HDAC4: variants seen among roughly 807,000 people sequenced by gnomAD.
HDAC4 encodes the protein histone deacetylase A.
HDAC4 carries 16 observed loss-of-function variants against 135.1 expected under a neutral mutation model. That is an observed-to-expected ratio of 0.12 (90% CI 0.08 to 0.18). The LOEUF is 0.18. Ranked by LOEUF, HDAC4 falls within the 10% of genes least tolerant of loss-of-function variation. HDAC4 has a pLI of 1.00. For missense variants in HDAC4, 1,143 were observed against 1,511.8 expected, an observed-to-expected ratio of 0.76 and a Z score of 4.05; for synonymous variants, 685 against 653.4, an observed-to-expected ratio of 1.05 and a Z score of -0.74.
rs1021710984 is a variant in HDAC4 at position 239,183,225 on chromosome 2, G to A, written c.339+6608C>T. Among the ~76,000 whole-genome samples, 4 of 152,218 alleles carry A rather than the reference G, an allele frequency of 2.6e-5. No individual in the cohort carries two copies. The South Asian group carries it at 6.2e-4, about 24-fold the overall frequency. ...ACACTGAACTCTGAACCAAATATAG[G>A]AGCCCCAGAATTTAGCTGCTTTGAC... On this transcript the variant is annotated intron_variant, in intron 4 of 26. Transcript: ENST00000543185.
intron 13 of HDAC4, 36 bp from the exon 14 acceptor site, chr2:239,111,748 A>G (rs1274670994): frequency 6.5e-7 from 1 of 1,549,824 alleles, no homozygotes; most frequent in Non-Finnish European, 8.7e-7. Context: ...GCGGTTGCGG[A>G]TGTCTCCCGC....
chr2:239,178,576 A>G (rs975989003), intron 4 of HDAC4, among the ~76,000 whole-genome samples: 22 of 151,790 alleles, frequency 1.4e-4, no homozygotes, highest in Admixed American at 5.2e-4. Flanking sequence ...ATGAAACAAG[A>G]TCTTGCTCTG....
chr2:239,304,193 A>G (rs2052440643), intron 2 of HDAC4, among the ~76,000 whole-genome samples: 1 of 152,106 alleles, frequency 6.6e-6, no homozygotes, highest in Non-Finnish European at 1.5e-5. Context: ...GAATGCCTCA[A>G]GCAGTGTGAG....
intron 2 of HDAC4, among the ~76,000 whole-genome samples, chr2:239,274,751 A>C (rs2050253836): frequency 6.6e-6 from 1 of 152,132 alleles, no homozygotes; most frequent in African/African-American, 2.4e-5. Flanking sequence ...GGCAAGCCTC[A>C]TCCCCAAAGC....
chr2:239,109,120 C>T (rs992980784), intron 14 of HDAC4, among the ~76,000 whole-genome samples: 2 of 152,242 alleles, frequency 1.3e-5, no homozygotes, highest in African/African-American at 4.8e-5. Flanking sequence ...CCTGGTGACA[C>T]CTGGCAGGAG....
chr2:239,396,974 T>C (rs1382044231), intron 1 of HDAC4, among the ~76,000 whole-genome samples: 1 of 152,226 alleles, frequency 6.6e-6, no homozygotes, highest in Non-Finnish European at 1.5e-5. Flanking sequence ...TGATGTCTTC[T>C]AGTTCTGCAG....
chr2:239,147,807 C>A (rs2100171), intron 7 of HDAC4, among the ~76,000 whole-genome samples: 134,508 of 152,338 alleles, frequency 0.88, 59,802 homozygotes, highest in African/African-American at 0.97. Flanking sequence ...CTAATTAAGG[C>A]GATACAACAT....
Position 239,139,931 on chromosome 2 carries a change from A to C in HDAC4, c.866-135T>G. On this transcript the variant is annotated intron_variant, in intron 8 of 26. Coordinates refer to ENST00000543185, the MANE Select transcript of HDAC4 (RefSeq NM_001378414.1). The surrounding 1 kb of genome is among the most constrained non-coding windows in gnomAD (Gnocchi z 5.3). ...GACAGGCAGAAGTCCCAACAAAAAG[A>C]ACATGGCCATGGTTTCAAAAAAGAA... is the stretch of plus-strand genomic sequence containing the variant. The C allele has an allele frequency of 3.0e-6, 2 of 661,410 alleles. No homozygotes were observed. The highest frequency in any genetic ancestry group is 3.5e-5 in the South Asian group (2 of 57,490). The allele number at this position is 661,410 out of a possible 1,614,324, so 41.0% of individuals were successfully genotyped here. A position where few individuals can be genotyped will look rare whatever the true frequency, so the allele number is the denominator to read the frequency against.
In HDAC4 at chr2:239,128,648, G is replaced by A. The variant is rs141799340; in HGVS notation, c.1295-1954C>T. On this transcript the variant is annotated intron_variant, in intron 11 of 26. Coordinates refer to ENST00000543185, the MANE Select transcript of HDAC4 (RefSeq NM_001378414.1). ...GTCAGTCACACAAAGCTGCTTTCAG[G>A]GGACGCAAAGGCTACGTAGTTGCTG... Among the ~76,000 whole-genome samples the A allele has an allele frequency of 4.2e-3, 638 of 152,326 alleles. 2 individuals carry two copies. The highest frequency in any genetic ancestry group is 0.01 in the Middle Eastern group (3 of 294).
intron 2 of HDAC4, among the ~76,000 whole-genome samples, chr2:239,302,937 G>T (rs2125633416): frequency 6.6e-6 from 1 of 152,352 alleles, no homozygotes; most frequent in African/African-American, 2.4e-5. Context: ...GGCCACACAG[G>T]CTCAGGCCCG....
chr2:239,090,089 C>G lies in HDAC4; in HGVS notation c.2308G>C (p.Val770Leu). Residue 770 changes from valine to leucine, a missense_variant, in exon 18 of 27, where the codon GTG becomes CTG. Val to Leu is a conservative substitution (Grantham distance 32). Around this residue, in one of 9 missense-constraint regions of HDAC4, gnomAD observed 49 missense variants for 55.6 expected, o/e 0.88. Transcript: ENST00000543185. ...AGGCGGGCTGCCCCCGCCGAGTGCA[C>G]CTCGTTCCATATGGTGTCACTGTCC... ...GVDSDTIWNE[V>L]HSAGAARLAV... 6.2e-7 allele frequency: 1 copy of G among 1,613,766 alleles called. No homozygotes were observed. Among genetic ancestry groups the G allele is most frequent in the Non-Finnish European group, 8.5e-7 (1 of 1,179,930 alleles).
chr2:239,394,991 G>A (rs1233251045), intron 1 of HDAC4, among the ~76,000 whole-genome samples: 1 of 152,186 alleles, frequency 6.6e-6, no homozygotes, highest in Non-Finnish European at 1.5e-5. Context: ...TGTTAGAAAG[G>A]AGGAAAAAAG....
intron 4 of HDAC4, among the ~76,000 whole-genome samples, chr2:239,183,741 G>T (rs1018034978): frequency 1.3e-5 from 2 of 152,170 alleles, no homozygotes; most frequent in Non-Finnish European, 2.9e-5. Context: ...CTGTCCTGGC[G>T]CAGAGCCCTG....
rs1240673437 is a variant in HDAC4, at chr2:239,295,304, C to T, written c.22+57374G>A. On this transcript the variant is annotated intron_variant, in intron 2 of 26. Coordinates refer to ENST00000543185, the MANE Select transcript of HDAC4 (RefSeq NM_001378414.1). ...CCTGGGTGACAGAGCAAGACTCCGT[C>T]TCAAAAAAAAAAAAAAAAAAAAAAA... Among the ~76,000 whole-genome samples the T allele has an allele frequency of 8.0e-5, 4 of 50,088 alleles. 1 individual carries two copies. The highest frequency in any genetic ancestry group is 1.9e-4 in the African/African-American group (2 of 10,656). The allele number at this position is 50,088 out of a possible 152,430, so 32.9% of individuals were successfully genotyped here.
chr2:239,076,984 C>T (rs2034829517), intron 22 of HDAC4, among the ~76,000 whole-genome samples: 1 of 152,144 alleles, frequency 6.6e-6, no homozygotes, highest in Admixed American at 6.5e-5. Flanking sequence ...CATCTCACTT[C>T]AACCTCTTTG....
rs1314509866 is a variant in HDAC4, at chr2:239,196,535, G to T, written c.95-6458C>A. 2.6e-5 allele frequency among the ~76,000 whole-genome samples: 4 copies of T among 152,222 alleles called. No homozygotes were observed. In the East Asian group the frequency reaches 5.8e-4, roughly 22 times the overall value. ...GCAGTGGAAGGAGGAGTTGACGATG[G>T]TTCCCGGGACAGGACAGTCTCGAGT... On this transcript the variant is annotated intron_variant, in intron 3 of 26. Transcript: ENST00000543185.
chr2:239,369,617 A>C (rs1694464956), intron 1 of HDAC4, among the ~76,000 whole-genome samples: 1 of 152,252 alleles, frequency 6.6e-6, no homozygotes, highest in Non-Finnish European at 1.5e-5. Flanking sequence ...GAGACGGGTC[A>C]AGCCCTGCTC....
At position 239,068,452 on chromosome 2, in the gene HDAC4, C is replaced by T. The variant is rs1373511847; in HGVS notation, c.2869+37G>A. 7.0e-7 allele frequency: 1 copy of T among 1,427,018 alleles called. No individual in the cohort carries two copies. Among genetic ancestry groups the T allele is most frequent in the South Asian group, 1.1e-5 (1 of 87,466 alleles). 88.4% of individuals were successfully genotyped at this position (1,427,018 alleles called of 1,614,324 possible). ...GAACACAGCGGATCATGGACATGAG[C>T]AGAACCGGCTCCTCAGTCATATGCA... On this transcript the variant is annotated intron_variant, in intron 23 of 26. Coordinates refer to ENST00000543185, the MANE Select transcript of HDAC4 (RefSeq NM_001378414.1). The surrounding 1 kb of genome is among the most constrained non-coding windows in gnomAD (Gnocchi z 4.4).
At chr2:239,065,598 G>C (rs1160483393) in intron 24 of HDAC4, among the ~76,000 whole-genome samples, 2 of 152,186 alleles carry the variant, frequency 1.3e-5, no homozygotes, top group African/African-American at 4.8e-5. Flanking sequence ...CGACTCTACT[G>C]AGACTGTCCT....
Sources: gnomAD v4.1 joint callset for allele counts (sites outside exome capture counted in the v4.1 genomes callset) on GRCh38, gnomAD v4.1.1 for gene constraint, gnomAD v4.1.1 regional missense constraint, Gnocchi (gnomAD v3.1) non-coding constraint, MANE v1.5 for transcripts, NCBI Gene and HGNC (gene_info 2026-07-23, HGNC 2026-07-21) for gene names.